SACS: variants seen among roughly 807,000 people sequenced by gnomAD.
SACS encodes sacsin molecular chaperone.
SACS carries 197 observed loss-of-function variants against 348.0 expected under a neutral mutation model. The ratio of observed to expected loss-of-function variants is 0.57; its 90% CI spans 0.50 to 0.64. The LOEUF (loss-of-function observed/expected upper bound fraction) is 0.64, where lower values mean the gene tolerates loss of function less well. Ranked by LOEUF, SACS falls within the 30% of genes least tolerant of loss-of-function variation. The probability of loss-of-function intolerance (pLI) is 0.00; values close to 1 mark genes in which losing one functional copy is unlikely to be tolerated. For missense variants in SACS, 4,999 were observed against 5,360.8 expected, an observed-to-expected ratio of 0.93 and a Z score of 2.11; for synonymous variants, 1,985 against 1,910.6, an observed-to-expected ratio of 1.04 and a Z score of -1.02.
chr13:23,418,367 T>C (rs1325451029), intron 1 of SACS, among the ~76,000 whole-genome samples: 1 of 152,206 alleles, frequency 6.6e-6, no homozygotes, highest in Admixed American at 6.5e-5. Flanking sequence ...TTTTTACTGT[T>C]TTCAACTACA....
chr13:23,343,001 A>G (rs17078613), intron 9 of SACS, among the ~76,000 whole-genome samples: 12,598 of 152,234 alleles, frequency 0.083, 904 homozygotes, highest in African/African-American at 0.19. Context: ...CTAGCTACTT[A>G]TTATTAAAGT....
chr13:23,355,297 C>T lies in SACS; in HGVS notation c.1315G>A (p.Asp439Asn). 1 of 1,614,160 alleles carries T rather than the reference C, an allele frequency of 6.2e-7. No individual in the cohort carries two copies. The highest frequency in any genetic ancestry group is 8.5e-7 in the Non-Finnish European group (1 of 1,180,040). Reference sequence around the variant, plus strand: ...AAACAAAATGCTTTTCCTGAGAAATCAGACGTTGCTCCTTTTGCTTCATCA... The same window carrying T: ...AAACAAAATGCTTTTCCTGAGAAATTAGACGTTGCTCCTTTTGCTTCATCA... ...RDDEAKGATS[D>N]FSGKAFCFLP... is the part of the protein sequence containing the mutation. The change falls in exon 8 of 10, where the codon GAT (aspartate) becomes AAT (asparagine). Residue 439 changes from aspartate to asparagine, a missense_variant. Asp to Asn is a conservative substitution (Grantham distance 23). Around this residue, in one of 6 missense-constraint regions of SACS, gnomAD observed 3,156 missense variants for 3,380.1 expected, o/e 0.93. Transcript: ENST00000382292.
intron 2 of SACS, among the ~76,000 whole-genome samples, chr13:23,408,940 C>G (rs563027331): frequency 7.9e-6 from 1 of 127,362 alleles, no homozygotes; most frequent in Non-Finnish European, 1.8e-5. Flanking sequence ...CCAGCCTGGG[C>G]GACAGAGCAA....
At chr13:23,353,939 C>A (rs367594083) in intron 8 of SACS, 63 bp from the exon 9 acceptor site, 4 of 978,914 alleles carry the variant, frequency 4.1e-6, no homozygotes, top group Non-Finnish European at 6.6e-6. Context: ...TTTAAAAAAA[C>A]AATCACATAT....
Position 23,341,155 on chromosome 13 carries a change from C to A in SACS, c.2721G>T (p.Leu907Phe). The A allele has an allele frequency of 6.2e-7, 1 of 1,613,278 alleles. No homozygotes were observed. Among genetic ancestry groups the A allele is most frequent in the Non-Finnish European group, 8.5e-7 (1 of 1,180,002 alleles). ...TCTCACTGCTATCGGTTAAACTAGC[C>A]AAGAACTTCCTCAGGGCATCTTTGT... is the stretch of plus-strand genomic sequence containing the variant. ...PTHKDALRKF[L>F]ASLTDSSEKE... is the part of the protein sequence containing the mutation. The change falls in exon 10 of 10, where the codon TTG (leucine) becomes TTT (phenylalanine). Residue 907 changes from leucine to phenylalanine, a missense_variant. Around this residue, in one of 6 missense-constraint regions of SACS, gnomAD observed 3,156 missense variants for 3,380.1 expected, o/e 0.93. Coordinates refer to ENST00000382292, the MANE Select transcript of SACS (RefSeq NM_014363.6).
Position 23,336,878 on chromosome 13 carries a change from G to A in SACS, c.6998C>T (p.Thr2333Ile), listed in dbSNP as rs1868659061. 6.2e-7 allele frequency: 1 copy of A among 1,613,276 alleles called. No homozygotes were observed. Among genetic ancestry groups the A allele is most frequent in the Admixed American group, 1.7e-5 (1 of 59,948 alleles). The change falls in exon 10 of 10, where the codon ACT (threonine) becomes ATT (isoleucine). Residue 2333 changes from threonine (T) to isoleucine (I), a missense_variant. Thr to Ile is a moderately conservative substitution (Grantham distance 89). Transcript: ENST00000382292. The stretch of plus-strand genomic sequence containing the variant: ...TAACTTATCAATAATTGACATCTTA[G>A]TGATTTCATTTTGCATCAAGGCTTC... ...LHEALMQNEI[T>I]KMSIIDKLKP... is the part of the protein sequence containing the mutation.
Position 23,334,002 on chromosome 13 carries a change from G to C in SACS, c.9874C>G (p.Gln3292Glu), listed in dbSNP as rs778161487. 6.2e-7 allele frequency: 1 copy of C among 1,613,848 alleles called. No individual in the cohort carries two copies. Among genetic ancestry groups the C allele is most frequent in the South Asian group, 1.1e-5 (1 of 91,062 alleles). ...ACATCTCCTTCAGGAACCACAAGCT[G>C]GTTGGCTGAAACAGTAAACTTTGTT... Reference protein sequence around the residue: ...PGTKFTVSANQLVVPEGDVLL... With the variant: ...PGTKFTVSANELVVPEGDVLL... The change falls in exon 10 of 10, where the codon CAG becomes GAG. Residue 3292 changes from glutamine (Q) to glutamate (E), a missense_variant. Physicochemically the swap from Gln to Glu is conservative, Grantham distance 29. Transcript: ENST00000382292.
rs759166886 is a variant in SACS at position 23,331,895 on chromosome 13, G to A, written c.11981C>T (p.Ala3994Val). 23 of 1,613,820 alleles carry A rather than the reference G, an allele frequency of 1.4e-5. No individual in the cohort carries two copies. Among genetic ancestry groups the A allele is most frequent in the South Asian group, 4.4e-5 (4 of 91,082 alleles). ...EETPKVCQFG[A>V]LCSLQGRLQL... is the part of the protein sequence containing the mutation. ...CAATCTTCCTTGAAGAGAACACAAC[G>A]CTCCAAACTGACAAACTTTGGGAGT... Residue 3994 changes from alanine to valine, a missense_variant, in exon 10 of 10, where the codon GCG (alanine) becomes GTG (valine). By Grantham distance (64) the Ala-to-Val change is moderately conservative. This residue lies in a region of SACS where 831 missense variants were observed against 941.8 expected (regional missense o/e 0.88). Transcript: ENST00000382292.
chr13:23,383,966 G>T (rs1047241456), intron 2 of SACS, among the ~76,000 whole-genome samples: 3 of 152,170 alleles, frequency 2.0e-5, no homozygotes, highest in African/African-American at 7.2e-5. Context: ...CAGTAAGAAG[G>T]GTCATCGCAA....
At chr13:23,371,010 C>T in intron 4 of SACS, 68 bp downstream of exon 4, 1 of 1,079,770 alleles carries the variant, frequency 9.3e-7, no homozygotes, top group Non-Finnish European at 1.4e-6. Flanking sequence ...ACCAAACAAA[C>T]AAACAAAAAA....
At chr13:23,347,511 GAA>G (rs1169540432) in intron 9 of SACS, among the ~76,000 whole-genome samples, 3 of 152,122 alleles carry the variant, frequency 2.0e-5, no homozygotes, top group Non-Finnish European at 2.9e-5. Flanking sequence ...TGTAACCAAA[GAA>G]ACTCAATTCT....
At chr13:23,344,476 G>C (rs907790058) in intron 9 of SACS, among the ~76,000 whole-genome samples, 4 of 152,108 alleles carry the variant, frequency 2.6e-5, no homozygotes, top group Non-Finnish European at 4.4e-5. Context: ...AAAGGAGAGA[G>C]AAAATGTAGT....
chr13:23,354,200 T>C (rs1870163429), intron 8 of SACS, among the ~76,000 whole-genome samples: 1 of 152,224 alleles, frequency 6.6e-6, no homozygotes, highest in South Asian at 2.1e-4. Flanking sequence ...TTAAATATTA[T>C]CAAAATAATT....
Position 23,338,484 on chromosome 13 carries a change from A to C in SACS, c.5392T>G (p.Ser1798Ala). The change falls in exon 10 of 10, where the codon TCT becomes GCT. Residue 1798 changes from serine (S) to alanine (A), a missense_variant. Transcript: ENST00000382292. ...TCTGATGGCTTTTTTGATTGGCCAGACTTAGCCATTTCAAAGAGAGCAGCT... is the reference window on the plus strand; with the variant it reads ...TCTGATGGCTTTTTTGATTGGCCAGCCTTAGCCATTTCAAAGAGAGCAGCT... ...DPAALFEMAK[S>A]GQSKKPSDEL... 3.7e-6 allele frequency: 6 copies of C among 1,614,166 alleles called. No homozygotes were observed. The highest frequency in any genetic ancestry group is 5.1e-6 in the Non-Finnish European group (6 of 1,180,012).
In SACS at chr13:23,332,754, G is replaced by C. The variant is rs1177654572; in HGVS notation, c.11122C>G (p.Pro3708Ala). 2 of 1,613,948 alleles carry C rather than the reference G, an allele frequency of 1.2e-6. No individual in the cohort carries two copies. Among genetic ancestry groups the C allele is most frequent in the South Asian group, 2.2e-5 (2 of 91,072 alleles). The part of the protein sequence containing the change: ...QLLWTSCPIL[P>A]EKATPLSIKE... ...ATGCTTAAGGGTGTAGCTTTCTCTG[G>C]AAGAATAGGGCAGGATGTCCATAAC... The change falls in exon 10 of 10, where the codon CCA becomes GCA. Residue 3708 changes from proline (P) to alanine (A), a missense_variant. Coordinates refer to ENST00000382292, the MANE Select transcript of SACS (RefSeq NM_014363.6).
chr13:23,422,693 CTG>C (rs1874003228), intron 1 of SACS, among the ~76,000 whole-genome samples: 1 of 149,832 alleles, frequency 6.7e-6, no homozygotes, highest in Non-Finnish European at 1.5e-5. Flanking sequence ...GAGTCTCACT[CTG>C]TCGCCCAGGC....
intron 2 of SACS, among the ~76,000 whole-genome samples, chr13:23,401,170 T>C (rs372020611): frequency 7.9e-5 from 12 of 152,180 alleles, no homozygotes; most frequent in African/African-American, 2.9e-4. Flanking sequence ...GTTACACATA[T>C]AAGAGGAAAA....
rs902817581 is a variant in SACS, at chr13:23,334,188, T to C, written c.9688A>G (p.Ser3230Gly). 5.0e-6 allele frequency: 8 copies of C among 1,613,768 alleles called. No homozygotes were observed. The highest frequency in any genetic ancestry group is 6.8e-6 in the Non-Finnish European group (8 of 1,179,836). The change falls in exon 10 of 10, where the codon AGT (serine) becomes GGT (glycine). Residue 3230 changes from serine (S) to glycine (G), a missense_variant. By Grantham distance (56) the Ser-to-Gly change is moderately conservative. This residue lies in a region of SACS where 734 missense variants were observed against 694.0 expected (regional missense o/e 1.06). Transcript: ENST00000382292. ...AAATTGTCTTTCCACTTTGTGCAAC[T>C]TTTGGTCTTATATTCTCGAGGCAAC... ...SVLPREYKTK[S>G]CTKWKDNFAS...
intron 6 of SACS, among the ~76,000 whole-genome samples, chr13:23,360,388 C>CAAAAA (rs869085963): frequency 1.6e-5 from 1 of 64,270 alleles, no homozygotes; most frequent in African/African-American, 6.9e-5. Flanking sequence ...TCTACAAAGA[C>CAAAAA]AAAAAAAAAA....
Sources: gnomAD v4.1 joint callset for allele counts (sites outside exome capture counted in the v4.1 genomes callset) on GRCh38, gnomAD v4.1.1 for gene constraint, gnomAD v4.1.1 regional missense constraint, MANE v1.5 for transcripts, NCBI Gene and HGNC (gene_info 2026-07-23, HGNC 2026-07-21) for gene names.